Variants in PCM1 observed in about 807,000 individuals in gnomAD.
PCM1 encodes pericentriolar material 1.
In PCM1, 157 loss-of-function variants were observed where a neutral mutation model predicts 241.9. The ratio of observed to expected loss-of-function variants is 0.65; its 90% CI spans 0.57 to 0.74. PCM1 has a LOEUF of 0.74. Among genes scored for constraint, PCM1 ranks in the 30% least tolerant of loss-of-function variants. PCM1 has a pLI of 0.00. For missense variants in PCM1, 3,478 were observed against 2,360.1 expected (o/e 1.47, Z -9.81); for synonymous variants, 1,085 against 784.9 (o/e 1.38, Z -6.39).
chr8:17,995,951 A>T (rs907596621), intron 29 of PCM1, among the ~76,000 whole-genome samples: 1 of 152,120 alleles, frequency 6.6e-6, no homozygotes, highest in Non-Finnish European at 1.5e-5. Context: ...GGCTTTTCCA[A>T]GTATAAGATT....
At chr8:17,928,616 C>CTTTTTTTT (rs71215287) in intron 2 of PCM1, among the ~76,000 whole-genome samples, 3 of 82,570 alleles carry the variant, frequency 3.6e-5, no homozygotes, top group Non-Finnish European at 2.4e-5. Context: ...GTATCTCCCT[C>CTTTTTTTT]TTTTTTTTTT....
intron 29 of PCM1, among the ~76,000 whole-genome samples, chr8:17,997,126 C>T (rs2087135545): frequency 6.6e-6 from 1 of 152,172 alleles, no homozygotes; most frequent in Non-Finnish European, 1.5e-5. Context: ...GAAAGTATTT[C>T]TCCTTCGTGT....
At chr8:17,960,559 C>T (rs1014656932) in intron 15 of PCM1, 115 bp downstream of exon 15, 3 of 481,220 alleles carry the variant, frequency 6.2e-6, no homozygotes, top group East Asian at 4.4e-5. Flanking sequence ...GAGTCTCACT[C>T]TGTTGCCCAG....
chr8:17,928,411 C>G (rs2057826346), intron 2 of PCM1, among the ~76,000 whole-genome samples: 1 of 152,086 alleles, frequency 6.6e-6, no homozygotes, highest in Admixed American at 6.6e-5. Flanking sequence ...CTTAGGAACA[C>G]CTTTGGTTTC....
chr8:17,967,036 C>T lies in PCM1; in HGVS notation c.3278C>T (p.Pro1093Leu), dbSNP rs542389600. 1 of 1,609,412 alleles carries T rather than the reference C, an allele frequency of 6.2e-7. No homozygotes were observed. The highest frequency in any genetic ancestry group is 1.7e-5 in the Admixed American group (1 of 59,410). ...MRQQNQHPEK[P>L]GGKERGSSAS... ...CAGCAAAATCAGCATCCAGAAAAAC[C>T]TGGAGGCAAGGAAAGAGGCAGTAGT... is the stretch of plus-strand genomic sequence containing the variant. Residue 1093 changes from proline to leucine, a missense_variant, in exon 21 of 39, where the codon CCT becomes CTT. Coordinates refer to ENST00000325083, the MANE Select transcript of PCM1 (RefSeq NM_006197.4).
At position 17,964,742 on chromosome 8, in the gene PCM1, C is replaced by A; in HGVS notation, c.2829C>A (p.Ser943=). The change falls in exon 18 of 39, where the codon TCC becomes TCA. Residue 943 remains serine (S), a synonymous_variant. Transcript: ENST00000325083. The stretch of plus-strand genomic sequence containing the variant: ...CTTCTAACAGTGTGAATCATAACTC[C>A]TACAATGGAAAGGAAACTAAAAATA... ...VCPSNSVNHN[S]YNGKETKNRW... 1 of 1,613,534 alleles carries A rather than the reference C, an allele frequency of 6.2e-7. No homozygotes were observed. The highest frequency in any genetic ancestry group is 8.5e-7 in the Non-Finnish European group (1 of 1,179,522).
chr8:18,013,884 A>G lies in PCM1; in HGVS notation c.5512-80A>G, dbSNP rs1371070133. ...TTGTATGAAGGTCTTGGGTTGGACA[A>G]AAACTACACACTAGTAATCATCTCT... is the stretch of plus-strand genomic sequence containing the variant. On this transcript the variant is annotated intron_variant, in intron 34 of 38. Coordinates refer to ENST00000325083, the MANE Select transcript of PCM1 (RefSeq NM_006197.4). 3.6e-6 allele frequency: 3 copies of G among 822,840 alleles called. No homozygotes were observed. The East Asian group carries it at 8.7e-5, about 24-fold the overall frequency. The allele number at this position is 822,840 out of a possible 1,614,324, so 51.0% of individuals were successfully genotyped here. A position where few individuals can be genotyped will look rare whatever the true frequency, so the allele number is the denominator to read the frequency against.
rs57224845 is a variant in PCM1, at chr8:17,960,533, C to CTT, written c.2322+97_2322+98dup. 35 of 604,500 alleles carry CTT rather than the reference C, an allele frequency of 5.8e-5. 1 individual carries two copies. The highest frequency in any genetic ancestry group is 7.5e-5 in the Admixed American group (2 of 26,566). The allele number at this position is 604,500 out of a possible 1,614,324, so 37.4% of individuals were successfully genotyped here. ...AGTACTCTTTTTTGTTTTTGTTTTT[C>CTT]TTTTTTTTTGAGGCAGAGTCTCACT... On this transcript the variant is annotated intron_variant, in intron 15 of 38. Transcript: ENST00000325083.
chr8:17,932,520 A>AT (rs908167209), intron 2 of PCM1, among the ~76,000 whole-genome samples: 73 of 150,052 alleles, frequency 4.9e-4, no homozygotes, highest in African/African-American at 1.1e-3. Context: ...ATATATTCGT[A>AT]TTTTTTTTTG....
intron 29 of PCM1, among the ~76,000 whole-genome samples, chr8:18,001,082 G>A (rs561736885): frequency 5.1e-4 from 77 of 152,290 alleles, no homozygotes; most frequent in African/African-American, 1.8e-3. Context: ...ATAGAAAGGG[G>A]CCTTGCAACT....
intron 38 of PCM1, among the ~76,000 whole-genome samples, chr8:18,027,145 G>T (rs1306933837): frequency 6.6e-6 from 1 of 152,164 alleles, no homozygotes; most frequent in Non-Finnish European, 1.5e-5. Context: ...GAGTTGAGGA[G>T]AAGGAAAGAC....
At chr8:17,995,939 T>C (rs1463707096) in intron 29 of PCM1, among the ~76,000 whole-genome samples, 1 of 152,168 alleles carries the variant, frequency 6.6e-6, no homozygotes, top group Non-Finnish European at 1.5e-5. Context: ...GTGGAGTCTT[T>C]AGGCTTTTCC....
At chr8:17,956,386 T>A (rs1270961888) in intron 10 of PCM1, among the ~76,000 whole-genome samples, 6 of 152,160 alleles carry the variant, frequency 3.9e-5, no homozygotes, top group Admixed American at 3.3e-4. Flanking sequence ...TACACTTTTG[T>A]CCCTAAAACA....
intron 2 of PCM1, chr8:17,927,320 G>A (rs427168): frequency 0.78 from 119,183 of 151,834 alleles, 47,329 homozygotes; most frequent in African/African-American, 0.86. Flanking sequence ...TAGTAGAGGC[G>A]GAGTTTCGCC....
Position 17,980,767 on chromosome 8 carries a change from T to A in PCM1, c.4108+12T>A. 1 of 1,591,568 alleles carries A rather than the reference T, an allele frequency of 6.3e-7. No individual in the cohort carries two copies. The highest frequency in any genetic ancestry group is 8.5e-7 in the Non-Finnish European group (1 of 1,170,642). Reference sequence around the variant, plus strand: ...AGAAATATCTTCAGGTATGTTCTTTTTTGGTTTGCATTAATATAAGGAGGT... The same window carrying A: ...AGAAATATCTTCAGGTATGTTCTTTATTGGTTTGCATTAATATAAGGAGGT... On this transcript the variant is annotated intron_variant, in intron 24 of 38. Coordinates refer to ENST00000325083, the MANE Select transcript of PCM1 (RefSeq NM_006197.4).
intron 23 of PCM1, among the ~76,000 whole-genome samples, chr8:17,978,219 T>C (rs1487866871): frequency 6.6e-6 from 1 of 151,972 alleles, no homozygotes; most frequent in African/African-American, 2.4e-5. Context: ...TTAAATGGAA[T>C]GAAAGTACTA....
intron 7 of PCM1, 127 bp downstream of exon 7, chr8:17,947,490 G>A: frequency 1.5e-6 from 1 of 684,012 alleles, no homozygotes. Flanking sequence ...TTCATATGAG[G>A]CTTATACTTT....
intron 23 of PCM1, among the ~76,000 whole-genome samples, chr8:17,973,429 G>T (rs1233437077): frequency 1.3e-5 from 2 of 152,056 alleles, no homozygotes; most frequent in Non-Finnish European, 2.9e-5. Flanking sequence ...ATAGTATTTG[G>T]TGCCTAAGGC....
chr8:17,956,952 T>C lies in PCM1; in HGVS notation c.1646+175T>C, dbSNP rs76194877. ...GTGAAGAAAGATGAATAGGGAAGTA[T>C]GGAGTACAATAGTTCAGTAAATTTG... On this transcript the variant is annotated intron_variant, in intron 11 of 38. Coordinates refer to ENST00000325083, the MANE Select transcript of PCM1 (RefSeq NM_006197.4). Among the ~76,000 whole-genome samples the C allele has an allele frequency of 8.5e-3, 1,299 of 152,332 alleles. 18 individuals are homozygous for C. Among genetic ancestry groups the C allele is most frequent in the African/African-American group, 0.029 (1,201 of 41,590 alleles).
Sources: allele counts gnomAD v4.1 joint callset (sites outside exome capture counted in the v4.1 genomes callset), GRCh38; gene constraint gnomAD v4.1.1; transcripts MANE v1.5; gene names NCBI Gene and HGNC (gene_info 2026-07-23, HGNC 2026-07-21).